The following NLRP2 variants were observed in gnomAD, a reference collection of about 807,000 sequenced individuals.
NLRP2 encodes the protein NLR family pyrin domain containing 2, also known as NACHT, LRR and PYD domains-containing protein 2.
In NLRP2, 107 loss-of-function variants were observed where a neutral mutation model predicts 97.2. That is an observed-to-expected ratio of 1.10 (90% confidence interval 0.94 to 1.29). The LOEUF (loss-of-function observed/expected upper bound fraction) is 1.29, where lower values mean the gene tolerates loss of function less well. Ranked by LOEUF, NLRP2 falls within the 50% of genes most tolerant of loss-of-function variation. NLRP2 has a pLI of 0.00. For synonymous variants in NLRP2, 663 were observed against 551.5 expected, an observed-to-expected ratio of 1.20 and a Z score of -2.83; for missense variants, 1,495 against 1,330.3, an observed-to-expected ratio of 1.12 and a Z score of -1.93.
chr19:54,977,450 C>T (rs886764129), intron 3 of NLRP2, among the ~76,000 whole-genome samples: 1 of 150,556 alleles, frequency 6.6e-6, no homozygotes, highest in African/African-American at 2.4e-5. Flanking sequence ...GGCAGTTAAT[C>T]CTCAAAGCCT....
intron 10 of NLRP2, chr19:54,991,444 T>G (rs1409393724): frequency 1.3e-5 from 2 of 152,034 alleles, no homozygotes; most frequent in Admixed American, 1.3e-4. Context: ...TCCCAGTTAC[T>G]CAGGAGGCTA....
At chr19:54,973,182 C>G (rs550180191) in intron 2 of NLRP2, among the ~76,000 whole-genome samples, 14 of 150,308 alleles carry the variant, frequency 9.3e-5, no homozygotes, top group Middle Eastern at 3.4e-3. Context: ...CAGCAAGACT[C>G]CATCTCAAAA....
chr19:54,977,509 G>GTGTGTGTGTGTA (rs2071315970), intron 3 of NLRP2, among the ~76,000 whole-genome samples: 1 of 151,092 alleles, frequency 6.6e-6, no homozygotes, highest in Middle Eastern at 3.4e-3. Flanking sequence ...GTGTGTGTGT[G>GTGTGTGTGTGTA]TGTGTGTGTG....
At chr19:54,968,350 GTTT>G (rs756038452) in intron 1 of NLRP2, among the ~76,000 whole-genome samples, 1 of 151,524 alleles carries the variant, frequency 6.6e-6, no homozygotes, top group Non-Finnish European at 1.5e-5. Context: ...CCAGTGTTGT[GTTT>G]TTGTTTGTTT....
rs1395423993 is a variant in NLRP2 at position 54,983,050 on chromosome 19, G to A, written c.1352G>A (p.Ser451Asn). ...CTGCGGGGCGCGCTGCGGACGCTGA[G>A]CCTCCTGGCCGCGCAGGGCCTGTGG... ...AQLRGALRTLSLLAAQGLWAQ... is the reference protein window; with the variant it reads ...AQLRGALRTLNLLAAQGLWAQ... Residue 451 changes from serine (S) to asparagine (N), a missense_variant, in exon 6 of 13, where the codon AGC (serine) becomes AAC (asparagine). Coordinates refer to ENST00000448584, the MANE Select transcript of NLRP2 (RefSeq NM_017852.5). The A allele has an allele frequency of 4.3e-6, 7 of 1,611,666 alleles. No homozygotes were observed. Among genetic ancestry groups the A allele is most frequent in the Non-Finnish European group, 5.9e-6 (7 of 1,179,424 alleles).
At position 54,973,350 on chromosome 19, in the gene NLRP2, T is replaced by TTTG. The variant is rs200955730; in HGVS notation, c.281-1148_281-1147insGTT. On this transcript the variant is annotated intron_variant, in intron 2 of 12. Transcript: ENST00000448584. ...TCTTTAACAATGGGTGAGGGTTTTT[T>TTTG]TTTTTTTTTTTTTGGTTTGGTTTGG... is the stretch of plus-strand genomic sequence containing the variant. 8.1e-3 allele frequency among the ~76,000 whole-genome samples: 1,148 copies of TTTG among 141,884 alleles called. 38 individuals carry two copies. The East Asian group carries it at 0.085, about 10-fold the overall frequency. 93.1% of individuals were successfully genotyped at this position (141,884 alleles called of 152,430 possible). A position where few individuals can be genotyped will look rare whatever the true frequency, so the allele number is the denominator to read the frequency against.
chr19:54,981,996 T>C (rs1179736519), intron 5 of NLRP2, among the ~76,000 whole-genome samples, 166 bp from the exon 6 acceptor site: 3 of 152,106 alleles, frequency 2.0e-5, no homozygotes, highest in Admixed American at 6.6e-5. Context: ...CAGGCTGGTG[T>C]TGAACTCCCA....
At chr19:54,990,850 G>T (rs2072429565) in intron 10 of NLRP2, 178 bp downstream of exon 10, 5 of 680,710 alleles carry the variant, frequency 7.3e-6, no homozygotes, top group Non-Finnish European at 1.3e-5. Context: ...AGTAGTAGTA[G>T]AGTAGTAGTA....
At chr19:54,983,858 G>GT (rs778775672) in intron 6 of NLRP2, 130 bp downstream of exon 6, 1 of 1,356,990 alleles carries the variant, frequency 7.4e-7, no homozygotes, top group Non-Finnish European at 1.0e-6. Context: ...CTCTTTGTTT[G>GT]TTTTTGTTTT....
At position 54,990,580 on chromosome 19, in the gene NLRP2, C is replaced by T. The variant is rs371936185; in HGVS notation, c.2616C>T (p.His872=). 8.7e-6 allele frequency: 14 copies of T among 1,614,162 alleles called. No individual in the cohort carries two copies. The highest frequency in any genetic ancestry group is 1.3e-5 in the African/African-American group (1 of 75,044). ...TGGTTGTCAGCCGGGAGCTGACACA[C>T]CTGTGCTTGGCCAAGAACCCCATTG... ...AVLVVSRELT[H]LCLAKNPIGN... The change falls in exon 10 of 13, where the codon CAC becomes CAT. Residue 872 remains histidine, a synonymous_variant. Transcript: ENST00000448584.
At chr19:54,998,497 G>A (rs11667105) in intron 12 of NLRP2, among the ~76,000 whole-genome samples, 45,452 of 151,312 alleles carry the variant, frequency 0.3, 7,178 homozygotes, top group Middle Eastern at 0.43. Flanking sequence ...TACTTTGTAA[G>A]TCAAAAGACA....
At chr19:54,999,335 CAG>C (rs2073053358) in intron 12 of NLRP2, among the ~76,000 whole-genome samples, 1 of 152,132 alleles carries the variant, frequency 6.6e-6, no homozygotes. Flanking sequence ...TTAATAGAGA[CAG>C]GGTTTCTCCA....
Position 54,997,372 on chromosome 19 carries a change from A to G in NLRP2, c.2935A>G (p.Ser979Gly). 6.2e-7 allele frequency: 1 copy of G among 1,614,164 alleles called. No individual in the cohort carries two copies. Among genetic ancestry groups the G allele is most frequent in the Non-Finnish European group, 8.5e-7 (1 of 1,180,022 alleles). Residue 979 changes from serine (S) to glycine (G), a missense_variant, in exon 12 of 13, where the codon AGC becomes GGC. By Grantham distance (56) the Ser-to-Gly change is moderately conservative (BLOSUM62 0). Transcript: ENST00000448584. The stretch of plus-strand genomic sequence containing the variant: ...TTGTGAAGACCTCTGCTCTGCCCTC[A>G]GCTGCAACCAGAGCCTCGTCACTCT... ...FSCEDLCSAL[S>G]CNQSLVTLDL...
intron 3 of NLRP2, among the ~76,000 whole-genome samples, chr19:54,975,102 T>C (rs12976012): frequency 4.2e-5 from 4 of 95,820 alleles, no homozygotes; most frequent in Non-Finnish European, 7.8e-5. Context: ...CCACACCCGG[T>C]TTTGTTTTTT....
At chr19:54,975,085 G>A (rs1314689747) in intron 3 of NLRP2, among the ~76,000 whole-genome samples, 1 of 134,762 alleles carries the variant, frequency 7.4e-6, no homozygotes, top group Non-Finnish European at 1.6e-5. Flanking sequence ...ATGGGCATGA[G>A]CCACCACCAC....
intron 4 of NLRP2, among the ~76,000 whole-genome samples, chr19:54,978,264 T>C (rs1042883956): frequency 5.3e-5 from 8 of 150,230 alleles, no homozygotes; most frequent in African/African-American, 2.0e-4. Context: ...GACGAAGTCT[T>C]GTTCTTGTCA....
At chr19:54,975,106 G>GGTTTTTTTT (rs2071119955) in intron 3 of NLRP2, among the ~76,000 whole-genome samples, 2 of 58,674 alleles carry the variant, frequency 3.4e-5, no homozygotes, top group Non-Finnish European at 6.9e-5. Context: ...ACCCGGTTTT[G>GGTTTTTTTT]TTTTTTTTTT....
Position 54,983,352 on chromosome 19 carries a change from C to T in NLRP2, c.1654C>T (p.Gln552Ter), listed in dbSNP as rs756737759. Residue 552 changes from glutamine (Q) to a stop codon, truncating the protein, a stop_gained, in exon 6 of 13, where the codon CAA becomes TAA. Transcript: ENST00000448584. LOFTEE classifies it high-confidence loss of function. ...AAGACTCAGGAACCCCGACCTGATC[C>T]AAGCAGGCTACTACTCCTTTGGCCT... The part of the protein sequence containing the change: ...VERLRNPDLI[Q>*]AGYYSFGLAN... The T allele has an allele frequency of 9.3e-6, 15 of 1,614,092 alleles. No individual in the cohort carries two copies. Among genetic ancestry groups the T allele is most frequent in the African/African-American group, 4.0e-5 (3 of 74,928 alleles).
In NLRP2 at chr19:55,001,020, G is replaced by T. The variant is rs1033603859; in HGVS notation, c.*122G>T. On this transcript the variant is annotated 3_prime_UTR_variant, in exon 13 of 13. Coordinates refer to ENST00000448584, the MANE Select transcript of NLRP2 (RefSeq NM_017852.5). ...GGATAATGAGTTCATTGCTGGGCTA[G>T]ATGTTTTAGCCATGATTCTGCCTCT... 3 of 860,402 alleles carry T rather than the reference G, an allele frequency of 3.5e-6. No homozygotes were observed. The African/African-American group carries it at 5.0e-5, about 14-fold the overall frequency. The allele number at this position is 860,402 out of a possible 1,614,324, so 53.3% of individuals were successfully genotyped here. A position where few individuals can be genotyped will look rare whatever the true frequency, so the allele number is the denominator to read the frequency against.
Sources: allele counts gnomAD v4.1 joint callset (sites outside exome capture counted in the v4.1 genomes callset), GRCh38; gene constraint gnomAD v4.1.1; transcripts MANE v1.5; gene names NCBI Gene and HGNC (gene_info 2026-07-23, HGNC 2026-07-21).